The following CELF4 variants were observed in gnomAD, a reference collection of about 807,000 sequenced individuals.
The protein encoded by CELF4 is CUG-BP- and ETR-3-like factor 4.
A neutral mutation model predicts 59.9 loss-of-function variants in CELF4; 18 were observed. The ratio of observed to expected loss-of-function variants is 0.30; its 90% CI spans 0.21 to 0.45. The LOEUF (loss-of-function observed/expected upper bound fraction) is 0.45. Ranked by LOEUF, CELF4 falls within the 20% of genes least tolerant of loss-of-function variation. The probability of loss-of-function intolerance (pLI) is 1.00; values close to 1 mark genes in which losing one functional copy is unlikely to be tolerated. For synonymous variants in CELF4, 261 were observed against 267.1 expected, an observed-to-expected ratio of 0.98 and a Z score of 0.22; for missense variants, 456 against 689.0, an observed-to-expected ratio of 0.66 and a Z score of 3.79.
intron 1 of CELF4, among the ~76,000 whole-genome samples, chr18:37,488,841 G>T (rs1343879233): frequency 6.6e-6 from 1 of 152,216 alleles, no homozygotes; most frequent in Non-Finnish European, 1.5e-5. Flanking sequence ...GAAAGGAATG[G>T]AGATGAAAGA....
intron 2 of CELF4, among the ~76,000 whole-genome samples, chr18:37,390,805 GGA>G (rs76713017): frequency 0.42 from 37,503 of 88,684 alleles, 8,097 homozygotes; most frequent in African/African-American, 0.65. Context: ...GATGGGGCGG[GGA>G]GGGGGGGCAG....
intron 2 of CELF4, among the ~76,000 whole-genome samples, chr18:37,479,407 T>C (rs1252174459): frequency 6.6e-6 from 1 of 152,226 alleles, no homozygotes; most frequent in African/African-American, 2.4e-5. Flanking sequence ...AGATGATGTT[T>C]TGCTGTGGGA....
At chr18:37,308,268 C>T (rs2096517729) in intron 3 of CELF4, among the ~76,000 whole-genome samples, 1 of 152,160 alleles carries the variant, frequency 6.6e-6, no homozygotes, top group African/African-American at 2.4e-5. Context: ...ACTGCCTCCC[C>T]ACCCCAAACT....
At chr18:37,517,206 C>A (rs907787494) in intron 1 of CELF4, among the ~76,000 whole-genome samples, 1 of 152,196 alleles carries the variant, frequency 6.6e-6, no homozygotes, top group African/African-American at 2.4e-5. Context: ...CCCCTCTCCC[C>A]ACTCAGAGAA....
intron 1 of CELF4, among the ~76,000 whole-genome samples, chr18:37,491,589 A>G (rs1385578984): frequency 2.0e-5 from 3 of 152,108 alleles, no homozygotes; most frequent in African/African-American, 4.8e-5. Flanking sequence ...TGGGGGAAAG[A>G]GATCCAAGAT....
At chr18:37,512,333 C>A (rs538361683) in intron 1 of CELF4, among the ~76,000 whole-genome samples, 2 of 152,220 alleles carry the variant, frequency 1.3e-5, no homozygotes, top group Non-Finnish European at 2.9e-5. Context: ...CGTGGAGCTG[C>A]GGCCTCTCTG....
chr18:37,332,370 A>C (rs2097573992), intron 2 of CELF4, among the ~76,000 whole-genome samples: 1 of 152,078 alleles, frequency 6.6e-6, no homozygotes, highest in Admixed American at 6.5e-5. Context: ...CCCCCTACAA[A>C]TATGCCCGGG....
intron 1 of CELF4, among the ~76,000 whole-genome samples, chr18:37,538,515 A>G (rs1456119482): frequency 1.3e-5 from 2 of 151,966 alleles, no homozygotes; most frequent in Non-Finnish European, 2.9e-5. Flanking sequence ...TGAATCCCCC[A>G]AGCACCCACA....
chr18:37,298,200 G>A (rs969123543), intron 3 of CELF4, among the ~76,000 whole-genome samples: 1 of 152,174 alleles, frequency 6.6e-6, no homozygotes, highest in Non-Finnish European at 1.5e-5. Context: ...TTGAGAGTGT[G>A]TATAAAATGG....
Position 37,273,177 on chromosome 18 carries a change from A to AG in CELF4, c.802-15dup, listed in dbSNP as rs953276809. On this transcript the variant is annotated splice_polypyrimidine_tract_variant and intron_variant, in intron 6 of 12. Transcript: ENST00000420428. The stretch of plus-strand genomic sequence containing the variant: ...CTGCTGCATCAGCTGGGGCAGAGGG[A>AG]GTGGAAAAAATATCACGTGCTTCCA... 6.3e-7 allele frequency: 1 copy of AG among 1,598,848 alleles called. No individual in the cohort carries two copies. The highest frequency in any genetic ancestry group is 8.6e-7 in the Non-Finnish European group (1 of 1,167,992).
chr18:37,388,093 T>C (rs1196103064), intron 2 of CELF4, among the ~76,000 whole-genome samples: 1 of 151,786 alleles, frequency 6.6e-6, no homozygotes, highest in Admixed American at 6.6e-5. Flanking sequence ...CGCAGTGTGA[T>C]TTGGGTAAAT....
At chr18:37,451,346 GTGTC>G (rs2099763255) in intron 2 of CELF4, among the ~76,000 whole-genome samples, 1 of 152,094 alleles carries the variant, frequency 6.6e-6, no homozygotes, top group African/African-American at 2.4e-5. Context: ...GTGCTTCTGT[GTGTC>G]TGTGTGTATC....
intron 1 of CELF4, among the ~76,000 whole-genome samples, chr18:37,521,557 T>G (rs2099957455): frequency 6.6e-6 from 1 of 152,108 alleles, no homozygotes; most frequent in African/African-American, 2.4e-5. Flanking sequence ...AAATCTGGAG[T>G]ATAAGGTGAA....
intron 2 of CELF4, among the ~76,000 whole-genome samples, chr18:37,353,767 CTTT>C (rs35838731): frequency 7.7e-5 from 7 of 90,942 alleles, no homozygotes; most frequent in East Asian, 3.2e-4. Context: ...GCAGTTCTTT[CTTT>C]TTTTTTTTTT....
At chr18:37,461,774 G>A (rs2099794310) in intron 2 of CELF4, among the ~76,000 whole-genome samples, 1 of 152,214 alleles carries the variant, frequency 6.6e-6, no homozygotes, top group Non-Finnish European at 1.5e-5. Flanking sequence ...CCTCGTCTTG[G>A]CAGCCCTGCA....
intron 2 of CELF4, among the ~76,000 whole-genome samples, chr18:37,409,585 T>C (rs2099417336): frequency 6.6e-6 from 1 of 151,908 alleles, no homozygotes; most frequent in African/African-American, 2.4e-5. Flanking sequence ...GTTGTCGAGG[T>C]CCAGAAAGCC....
rs529850281 is a variant in CELF4 at position 37,306,115 on chromosome 18, G to A, written c.448+15688C>T. ...CCCTTAGACTCAGCGCAGCCCCCTG[G>A]GTTTTGAGCAAACCTGGGTCCTGGT... On this transcript the variant is annotated intron_variant, in intron 3 of 12. Transcript: ENST00000420428. The A allele has an allele frequency of 5.2e-5, 8 of 152,382 alleles. No homozygotes were observed. The East Asian group carries it at 1.5e-3, about 29-fold the overall frequency. The allele number at this position is 152,382 out of a possible 1,614,324, so 9.4% of individuals were successfully genotyped here. A position where few individuals can be genotyped will look rare whatever the true frequency, so the allele number is the denominator to read the frequency against.
chr18:37,404,027 C>G (rs992421251), intron 2 of CELF4, among the ~76,000 whole-genome samples: 1 of 152,220 alleles, frequency 6.6e-6, no homozygotes, highest in African/African-American at 2.4e-5. Context: ...CAGTCAGCAT[C>G]TTCCACCTGA....
chr18:37,442,341 A>G (rs1461812020), intron 2 of CELF4, among the ~76,000 whole-genome samples: 2 of 152,244 alleles, frequency 1.3e-5, no homozygotes, highest in African/African-American at 4.8e-5. Context: ...AATACGCACC[A>G]AACTCTTAGA....
Sources: allele counts gnomAD v4.1 joint callset (sites outside exome capture counted in the v4.1 genomes callset), GRCh38; gene constraint gnomAD v4.1.1; transcripts MANE v1.5; gene names NCBI Gene and HGNC (gene_info 2026-07-23, HGNC 2026-07-21).